Variants in PHTF1 observed in about 807,000 individuals in gnomAD.
PHTF1 encodes the protein putative homeodomain transcription factor 1.
A neutral mutation model predicts 102.4 loss-of-function variants in PHTF1; 88 were observed. The observed-to-expected ratio is 0.86, with a 90% CI of 0.72 to 1.03. The LOEUF (loss-of-function observed/expected upper bound fraction) is 1.03. PHTF1 is among the 50% of genes least tolerant of loss of function. The pLI, the probability that PHTF1 is intolerant of heterozygous loss-of-function variation, is 0.00. For synonymous variants in PHTF1, 289 were observed against 305.2 expected (o/e 0.95, Z 0.55); for missense variants, 814 against 909.5 (o/e 0.89, Z 1.35).
At chr1:113,745,158 T>C (rs939286615) in intron 3 of PHTF1, among the ~76,000 whole-genome samples, 15 of 150,934 alleles carry the variant, frequency 9.9e-5, no homozygotes, top group Admixed American at 6.6e-4. Context: ...TGAAAAGAGG[T>C]CAAGACATGG....
intron 11 of PHTF1, 62 bp from the exon 12 acceptor site, chr1:113,706,784 T>C: frequency 1.6e-6 from 2 of 1,249,250 alleles, no homozygotes; most frequent in South Asian, 1.5e-5. Flanking sequence ...AGTTTTTCTT[T>C]CCCAGGCTCC....
At chr1:113,697,856 C>G in intron 18 of PHTF1, 131 bp from the exon 19 acceptor site, 2 of 660,414 alleles carry the variant, frequency 3.0e-6, no homozygotes, top group Admixed American at 5.3e-5. Context: ...GCAATAGCAA[C>G]CATAGAACAT....
chr1:113,727,228 T>C (rs1324397426), intron 5 of PHTF1, among the ~76,000 whole-genome samples: 2 of 152,180 alleles, frequency 1.3e-5, no homozygotes, highest in Non-Finnish European at 2.9e-5. Context: ...ACCTATTCCA[T>C]GCCCTAATAA....
chr1:113,713,461 A>T, intron 7 of PHTF1, 23 bp from the exon 8 acceptor site: 2 of 1,377,550 alleles, frequency 1.5e-6, no homozygotes, highest in Non-Finnish European at 2.0e-6. Flanking sequence ...AAAGGAAAAG[A>T]AGATTAATTT....
At chr1:113,703,999 G>A (rs1283547207) in intron 15 of PHTF1, 82 bp downstream of exon 15, 25 of 802,318 alleles carry the variant, frequency 3.1e-5, no homozygotes, top group Non-Finnish European at 4.2e-6. Context: ...CATACTTAAG[G>A]ACAGTGACCT....
intron 5 of PHTF1, among the ~76,000 whole-genome samples, chr1:113,734,349 G>T (rs1000560996): frequency 6.6e-6 from 1 of 152,140 alleles, no homozygotes; most frequent in Non-Finnish European, 1.5e-5. Flanking sequence ...GAATACCTAA[G>T]TAACCATGAA....
At chr1:113,710,524 A>G in intron 10 of PHTF1, 49 bp from the exon 11 acceptor site, 2 of 1,372,438 alleles carry the variant, frequency 1.5e-6, no homozygotes, top group Non-Finnish European at 2.1e-6. Context: ...TTTAAAAATA[A>G]TTACATGTGA....
At chr1:113,753,806 C>G (rs1658450254) in intron 3 of PHTF1, among the ~76,000 whole-genome samples, 1 of 151,648 alleles carries the variant, frequency 6.6e-6, no homozygotes, top group African/African-American at 2.4e-5. Flanking sequence ...TCCTGAGTAG[C>G]TGGGACCACA....
Position 113,724,750 on chromosome 1 carries a change from G to C in PHTF1, c.623+9C>G. 1.9e-6 allele frequency: 3 copies of C among 1,587,482 alleles called. No individual in the cohort carries two copies. The highest frequency in any genetic ancestry group is 2.6e-6 in the Non-Finnish European group (3 of 1,171,266). On this transcript the variant is annotated intron_variant, in intron 7 of 18. Coordinates refer to ENST00000369604, the MANE Select transcript of PHTF1 (RefSeq NM_001323043.2). ...CGTGAATACAAAATCAAGTAAAAAA[G>C]ACTCCCACCTGTTGCCAAAGATAGT...
chr1:113,734,424 AAT>A (rs1377553706), intron 5 of PHTF1, among the ~76,000 whole-genome samples: 3 of 152,236 alleles, frequency 2.0e-5, no homozygotes, highest in Non-Finnish European at 4.4e-5. Context: ...AATGAGAAAT[AAT>A]ATGTTATTAG....
At chr1:113,731,902 T>C (rs866957883) in intron 5 of PHTF1, among the ~76,000 whole-genome samples, 1 of 109,328 alleles carries the variant, frequency 9.1e-6, no homozygotes, top group Non-Finnish European at 1.9e-5. Context: ...GTCTCAATTT[T>C]AAAAAAAAAA....
chr1:113,754,208 C>T (rs1658518425), intron 3 of PHTF1, among the ~76,000 whole-genome samples: 1 of 152,036 alleles, frequency 6.6e-6, no homozygotes, highest in Non-Finnish European at 1.5e-5. Flanking sequence ...CTCAGGAATT[C>T]GAGACCAGCC....
At position 113,697,054 on chromosome 1, in the gene PHTF1, C is replaced by A. The variant is rs964497954; in HGVS notation, c.*651G>T. ...AAATTTTTCATGCTGAATTACATGG[C>A]ATATTGTATGCATGCATCGTTTGCC... On this transcript the variant is annotated 3_prime_UTR_variant, in exon 19 of 19. Coordinates refer to ENST00000369604, the MANE Select transcript of PHTF1 (RefSeq NM_001323043.2). 1 of 152,282 alleles carries A rather than the reference C, an allele frequency of 6.6e-6. No homozygotes were observed. Among genetic ancestry groups the A allele is most frequent in the Non-Finnish European group, 1.5e-5 (1 of 68,050 alleles). 9.4% of individuals were successfully genotyped at this position (152,282 alleles called of 1,614,324 possible).
intron 7 of PHTF1, among the ~76,000 whole-genome samples, chr1:113,719,623 C>T (rs537167613): frequency 6.6e-6 from 1 of 152,322 alleles, no homozygotes; most frequent in Non-Finnish European, 1.5e-5. Flanking sequence ...TCACTATCAG[C>T]ATTGCTGTCA....
At chr1:113,733,820 G>C (rs1218976132) in intron 5 of PHTF1, among the ~76,000 whole-genome samples, 1 of 152,184 alleles carries the variant, frequency 6.6e-6, no homozygotes, top group Non-Finnish European at 1.5e-5. Flanking sequence ...AGAATGGGGG[G>C]TCCTACTATA....
At position 113,713,449 on chromosome 1, in the gene PHTF1, AAAAAGG is replaced by A. The variant is rs1439935437; in HGVS notation, c.624-17_624-12del. Reference sequence around the variant, plus strand: ...TTTACTCTTTTAATCCTATTTTTTAAAAAAGGAAAAGAAGATTAATTTTTTGAAAGT... The same window carrying A: ...TTTACTCTTTTAATCCTATTTTTTAAAAAAGAAGATTAATTTTTTGAAAGT... On this transcript the variant is annotated splice_polypyrimidine_tract_variant and intron_variant, in intron 7 of 18. Transcript: ENST00000369604. The A allele has an allele frequency of 6.9e-7, 1 of 1,443,360 alleles. No individual in the cohort carries two copies. Among genetic ancestry groups the A allele is most frequent in the Non-Finnish European group, 9.5e-7 (1 of 1,048,990 alleles). The allele number at this position is 1,443,360 out of a possible 1,614,324, so 89.4% of individuals were successfully genotyped here.
intron 5 of PHTF1, among the ~76,000 whole-genome samples, chr1:113,731,752 C>G (rs758296179): frequency 6.6e-6 from 1 of 151,598 alleles, no homozygotes; most frequent in Non-Finnish European, 1.5e-5. Flanking sequence ...AAAAAATTTG[C>G]CAGGCATGGT....
At chr1:113,744,348 A>G (rs1445191743) in intron 3 of PHTF1, among the ~76,000 whole-genome samples, 2 of 152,250 alleles carry the variant, frequency 1.3e-5, no homozygotes, top group Non-Finnish European at 2.9e-5. Flanking sequence ...TAAACAAGGA[A>G]TAAAAAACAA....
chr1:113,700,999 A>T (rs768599550), intron 15 of PHTF1, 50 bp from the exon 16 acceptor site: 4 of 1,312,310 alleles, frequency 3.0e-6, no homozygotes, highest in Non-Finnish European at 4.3e-6. Flanking sequence ...CCTTAAAATC[A>T]TGTAATTACT....
Sources: allele counts gnomAD v4.1 joint callset (sites outside exome capture counted in the v4.1 genomes callset), GRCh38; gene constraint gnomAD v4.1.1; transcripts MANE v1.5; gene names NCBI Gene and HGNC (gene_info 2026-07-23, HGNC 2026-07-21).